The following SNAPC4 variants were observed in gnomAD, a reference collection of about 807,000 sequenced individuals.
SNAPC4 encodes snRNA-activating protein complex subunit 4.
A neutral mutation model predicts 151.3 loss-of-function variants in SNAPC4; 127 were observed. That is an observed-to-expected ratio of 0.84 (90% CI 0.73 to 0.97). The LOEUF (loss-of-function observed/expected upper bound fraction) is 0.97. SNAPC4 is among the 50% of genes least tolerant of loss of function. The pLI is 0.00. For missense variants in SNAPC4, 2,186 were observed against 1,935.0 expected (o/e 1.13, Z -2.43); for synonymous variants, 1,002 against 824.4 (o/e 1.22, Z -3.69).
chr9:136,396,885 A>G lies in SNAPC4; in HGVS notation c.177+92T>C. 4 of 938,788 alleles carry G rather than the reference A, an allele frequency of 4.3e-6. No individual in the cohort carries two copies. The South Asian group carries it at 5.2e-5, about 12-fold the overall frequency. 58.2% of individuals were successfully genotyped at this position (938,788 alleles called of 1,614,324 possible). On this transcript the variant is annotated intron_variant, in intron 3 of 23. Coordinates refer to ENST00000684778, the MANE Select transcript of SNAPC4 (RefSeq NM_003086.4). ...TCATTTTTATAATGCAGAAAAACCAATATGGGTTCAAACCACGCCCCCTCC... is the reference window on the plus strand; with the variant it reads ...TCATTTTTATAATGCAGAAAAACCAGTATGGGTTCAAACCACGCCCCCTCC...
rs1483366597 is a variant in SNAPC4 at position 136,376,596 on chromosome 9, C to T, written c.4285-115G>A. 7 of 1,268,096 alleles carry T rather than the reference C, an allele frequency of 5.5e-6. No homozygotes were observed. The Admixed American group carries it at 1.2e-4, about 22-fold the overall frequency. 78.6% of individuals were successfully genotyped at this position (1,268,096 alleles called of 1,614,324 possible). On this transcript the variant is annotated intron_variant, in intron 22 of 23. Coordinates refer to ENST00000684778, the MANE Select transcript of SNAPC4 (RefSeq NM_003086.4). ...GGTGAGTGTCCCACTTGGGACAGGG[C>T]ACCCTCAGCTCAGGCGGGAGCTGCT...
intron 20 of SNAPC4, among the ~76,000 whole-genome samples, chr9:136,380,345 T>C (rs868163507): frequency 1.2e-4 from 18 of 152,232 alleles, no homozygotes; most frequent in Admixed American, 2.0e-4. Context: ...CCCACTGCTG[T>C]TCCTGCTCCT....
chr9:136,379,186 G>T lies in SNAPC4; in HGVS notation c.2641C>A (p.Leu881Met). 1 of 1,603,594 alleles carries T rather than the reference G, an allele frequency of 6.2e-7. No individual in the cohort carries two copies. ...TTGGGCCGGGGGCCGGTTGAAGCCA[G>T]CAGGGACGCCTGGGGTAGGGTGCGC... ...VERTLPQASL[L>M]ASTGPRPKPK... The change falls in exon 22 of 24, where the codon CTG becomes ATG. Residue 881 changes from leucine to methionine, a missense_variant. Leu to Met is a conservative substitution (Grantham distance 15). Transcript: ENST00000684778.
Position 136,383,580 on chromosome 9 carries a change from C to T in SNAPC4, c.1589G>A (p.Ser530Asn). ...GCTGCTGCTGCTGCTCCCTCCACTG[C>T]TGCCACTGCTGCTGCCGCTGCTGCT... ...STSSSGSSSGSSGGSSSSSSS... is the reference protein window; with the variant it reads ...STSSSGSSSGNSGGSSSSSSS... The change falls in exon 16 of 24, where the codon AGC becomes AAC. Residue 530 changes from serine (S) to asparagine (N), a missense_variant. By Grantham distance (46) the Ser-to-Asn change is conservative. Coordinates refer to ENST00000684778, the MANE Select transcript of SNAPC4 (RefSeq NM_003086.4). The surrounding 1 kb of genome is among the most constrained non-coding windows in gnomAD (Gnocchi z 4.2). 1.2e-6 allele frequency: 2 copies of T among 1,609,718 alleles called. No homozygotes were observed. Among genetic ancestry groups the T allele is most frequent in the Non-Finnish European group, 1.7e-6 (2 of 1,178,228 alleles).
In SNAPC4 at chr9:136,379,544, AG is replaced by A. The variant is rs547774886; in HGVS notation, c.2528-246del. Among the ~76,000 whole-genome samples the A allele has an allele frequency of 3.3e-5, 5 of 152,322 alleles. No homozygotes were observed. The East Asian group carries it at 9.7e-4, about 29-fold the overall frequency. ...AGCCCATTTAATGCTGGCTGAGATC[AG>A]CCGGCAGCCCAGCTTGCCGGTGTTG... is the stretch of plus-strand genomic sequence containing the variant. On this transcript the variant is annotated intron_variant, in intron 21 of 23. Transcript: ENST00000684778.
intron 10 of SNAPC4, among the ~76,000 whole-genome samples, chr9:136,389,097 A>T (rs986278302): frequency 2.0e-5 from 3 of 152,144 alleles, no homozygotes; most frequent in African/African-American, 7.2e-5. Flanking sequence ...CTCAGAAGAG[A>T]GTGCCCCAAA....
At chr9:136,391,914 G>A (rs748687800) in intron 10 of SNAPC4, 28 bp downstream of exon 10, 1 of 1,593,584 alleles carries the variant, frequency 6.3e-7, no homozygotes, top group South Asian at 1.1e-5. Flanking sequence ...AGGTCTCCTG[G>A]CCCCTGGGGT....
Position 136,379,124 on chromosome 9 carries a change from C to G in SNAPC4, c.2703G>C (p.Arg901=). ...CCTCCCTGGCACGGGCCTCCTGAAG[C>G]CGCTTCTCCTGAAGCAGCTCCGACA... ...KTVSELLQEK[R]LQEARAREAT... is the part of the protein sequence containing the mutation. Residue 901 remains arginine, a synonymous_variant, in exon 22 of 24, where the codon CGG becomes CGC. Transcript: ENST00000684778. 1 of 1,564,568 alleles carries G rather than the reference C, an allele frequency of 6.4e-7. No homozygotes were observed. Among genetic ancestry groups the G allele is most frequent in the Non-Finnish European group, 8.7e-7 (1 of 1,155,274 alleles).
intron 18 of SNAPC4, 94 bp from the exon 19 acceptor site, chr9:136,381,486 G>A (rs973537842): frequency 4.2e-6 from 5 of 1,190,572 alleles, no homozygotes; most frequent in Admixed American, 3.7e-5. Flanking sequence ...CGTGCCTTTC[G>A]AGGCGGCTCT....
intron 7 of SNAPC4, 22 bp downstream of exon 7, chr9:136,394,227 T>A: frequency 6.3e-7 from 1 of 1,593,596 alleles, no homozygotes; most frequent in Non-Finnish European, 8.6e-7. Context: ...AGACCGTTTT[T>A]GACTTATGGT....
rs764091710 is a variant in SNAPC4 at position 136,395,408 on chromosome 9, C to A, written c.361G>T (p.Asp121Tyr). 1.7e-5 allele frequency: 28 copies of A among 1,612,940 alleles called. No homozygotes were observed. The African/African-American group carries it at 3.1e-4, about 18-fold the overall frequency. Residue 121 changes from aspartate (D) to tyrosine (Y), a missense_variant, in exon 5 of 24, where the codon GAT becomes TAT. Asp to Tyr is a radical substitution (Grantham distance 160, BLOSUM62 -3). Coordinates refer to ENST00000684778, the MANE Select transcript of SNAPC4 (RefSeq NM_003086.4). ...NREQQEELMR[D>Y]LAGSKGTKVK... ...TTGGTGCCTTTGGACCCAGCCAGATCCCTCATGAGTTCCTCCTGTGACAGA... is the reference window on the plus strand; with the variant it reads ...TTGGTGCCTTTGGACCCAGCCAGATACCTCATGAGTTCCTCCTGTGACAGA...
intron 13 of SNAPC4, among the ~76,000 whole-genome samples, chr9:136,387,246 C>T (rs193234196): frequency 6.6e-5 from 10 of 152,322 alleles, no homozygotes; most frequent in Admixed American, 5.9e-4. Context: ...GGAGCCCATG[C>T]GTTGCTCCGG....
chr9:136,377,806 C>T lies in SNAPC4; in HGVS notation c.4021G>A (p.Ala1341Thr). The change falls in exon 22 of 24, where the codon GCC becomes ACC. Residue 1341 changes from alanine (A) to threonine (T), a missense_variant. Coordinates refer to ENST00000684778, the MANE Select transcript of SNAPC4 (RefSeq NM_003086.4). ...LVVGGEAERP[A>T]GALQASLGLV... ...CCCAGTGAGGCTTGCAGTGCTCCGGCCGGCCGCTCAGCCTCGCCCCCCACC... is the reference window on the plus strand; with the variant it reads ...CCCAGTGAGGCTTGCAGTGCTCCGGTCGGCCGCTCAGCCTCGCCCCCCACC... The T allele has an allele frequency of 6.2e-7, 1 of 1,611,660 alleles. No individual in the cohort carries two copies. Among genetic ancestry groups the T allele is most frequent in the Non-Finnish European group, 8.5e-7 (1 of 1,179,722 alleles).
chr9:136,394,836 C>T lies in SNAPC4; in HGVS notation c.514G>A (p.Gly172Arg). 2 of 1,613,978 alleles carry T rather than the reference C, an allele frequency of 1.2e-6. No homozygotes were observed. Among genetic ancestry groups the T allele is most frequent in the African/African-American group, 2.7e-5 (2 of 75,074 alleles). ...AGGAGCTCCTCGAAAGCCTTGATCC[C>T]CTGGGCAGCCTTCTCTCGTGTGTCC... The part of the protein sequence containing the change: ...NEDTREKAAQ[G>R]IKAFEELLVT... Residue 172 changes from glycine to arginine, a missense_variant, in exon 6 of 24, where the codon GGG becomes AGG. By Grantham distance (125) the Gly-to-Arg change is moderately radical (BLOSUM62 -2). Coordinates refer to ENST00000684778, the MANE Select transcript of SNAPC4 (RefSeq NM_003086.4).
intron 1 of SNAPC4, among the ~76,000 whole-genome samples, chr9:136,399,497 C>T (rs527729442): frequency 2.6e-5 from 4 of 152,340 alleles, no homozygotes; most frequent in African/African-American, 9.6e-5. Context: ...GCTGCCTCCC[C>T]CTCCCCGTGT....
In SNAPC4 at chr9:136,398,529, GGA is replaced by G. The variant is rs1432560496; in HGVS notation, c.-9-94_-9-93del. 1.0e-5 allele frequency: 15 copies of G among 1,475,920 alleles called. No individual in the cohort carries two copies. In the South Asian group the frequency reaches 1.7e-4, roughly 17 times the overall value. 91.4% of individuals were successfully genotyped at this position (1,475,920 alleles called of 1,614,324 possible). A position where few individuals can be genotyped will look rare whatever the true frequency, so the allele number is the denominator to read the frequency against. On this transcript the variant is annotated intron_variant, in intron 1 of 23. Transcript: ENST00000684778. ...ACACACCCGCCCATGGGGGATGGCA[GGA>G]GCCTGCTCGGCAGTGGGCACTGGGC...
chr9:136,377,743 G>C lies in SNAPC4; in HGVS notation c.4084C>G (p.Leu1362Val). ...RGQLQDNPAY[L>V]LLRARFLAAF... ...GCCAGGAACCGCGCCCGCAACAGGA[G>C]GTAGGCCGGGTTGTCCTGGAGCTGC... The change falls in exon 22 of 24, where the codon CTC becomes GTC. Residue 1362 changes from leucine to valine, a missense_variant. Transcript: ENST00000684778. 1 of 1,610,430 alleles carries C rather than the reference G, an allele frequency of 6.2e-7. No individual in the cohort carries two copies. Among genetic ancestry groups the C allele is most frequent in the South Asian group, 1.1e-5 (1 of 90,972 alleles).
chr9:136,391,498 A>G (rs940100476), intron 10 of SNAPC4, among the ~76,000 whole-genome samples: 1 of 152,218 alleles, frequency 6.6e-6, no homozygotes, highest in African/African-American at 2.4e-5. Flanking sequence ...AGCTACTCTC[A>G]GGGTGGCCTA....
chr9:136,385,367 C>G (rs1833854964), intron 13 of SNAPC4, among the ~76,000 whole-genome samples: 1 of 152,222 alleles, frequency 6.6e-6, no homozygotes. Flanking sequence ...GGGAAACAGT[C>G]TGGCCATTCC....
Sources: gnomAD v4.1 joint callset for allele counts (sites outside exome capture counted in the v4.1 genomes callset) on GRCh38, gnomAD v4.1.1 for gene constraint, Gnocchi (gnomAD v3.1) non-coding constraint, MANE v1.5 for transcripts, NCBI Gene and HGNC (gene_info 2026-07-23, HGNC 2026-07-21) for gene names.